Variants in DIPK1A observed in about 807,000 individuals in gnomAD.
DIPK1A encodes the protein family with sequence similarity 69 member A.
A neutral mutation model predicts 40.8 loss-of-function variants in DIPK1A; 27 were observed. The ratio of observed to expected loss-of-function variants is 0.66; its 90% confidence interval spans 0.49 to 0.91. DIPK1A has a LOEUF of 0.91. DIPK1A is among the 40% of genes least tolerant of loss of function. The pLI, the probability that DIPK1A is intolerant of heterozygous loss-of-function variation, is 0.00. For missense variants in DIPK1A, 412 were observed against 505.7 expected, an observed-to-expected ratio of 0.81 and a Z score of 1.78; for synonymous variants, 166 against 171.3, an observed-to-expected ratio of 0.97 and a Z score of 0.24.
intron 1 of DIPK1A, among the ~76,000 whole-genome samples, chr1:92,961,006 G>A (rs899232176): frequency 6.6e-6 from 1 of 152,238 alleles, no homozygotes; most frequent in African/African-American, 2.4e-5. Context: ...AAACACCAGG[G>A]AGAAGGCGGC....
intron 1 of DIPK1A, among the ~76,000 whole-genome samples, chr1:92,878,820 AAAACAAACAAAC>A (rs113474701): frequency 8.2e-5 from 12 of 145,898 alleles, no homozygotes; most frequent in South Asian, 6.7e-4. Flanking sequence ...CTCTGTCTCA[AAAACAAACAAAC>A]AAACAAACAA....
chr1:92,949,334 G>C (rs1651536774), intron 1 of DIPK1A, among the ~76,000 whole-genome samples: 1 of 151,888 alleles, frequency 6.6e-6, no homozygotes, highest in Non-Finnish European at 1.5e-5. Flanking sequence ...GAGTGCAATG[G>C]CGCAATCTCA....
At chr1:92,924,697 C>T (rs1443542699) in intron 1 of DIPK1A, among the ~76,000 whole-genome samples, 2 of 152,146 alleles carry the variant, frequency 1.3e-5, no homozygotes, top group Non-Finnish European at 2.9e-5. Flanking sequence ...CTCTAGATGT[C>T]GCAGTAGATA....
chr1:92,950,094 C>T (rs1651565435), intron 1 of DIPK1A, among the ~76,000 whole-genome samples: 1 of 152,130 alleles, frequency 6.6e-6, no homozygotes, highest in South Asian at 2.1e-4. Flanking sequence ...AAGAGGTACA[C>T]TAATACTGTG....
intron 2 of DIPK1A, among the ~76,000 whole-genome samples, chr1:92,860,236 G>C (rs1419110828): frequency 6.6e-6 from 1 of 152,108 alleles, no homozygotes; most frequent in African/African-American, 2.4e-5. Context: ...GAGAGCTTCA[G>C]ATTGCACGGA....
Position 92,843,182 on chromosome 1 carries a change from A to G in DIPK1A, c.*201T>C, listed in dbSNP as rs1687442611. On this transcript the variant is annotated 3_prime_UTR_variant, in exon 5 of 5. Coordinates refer to ENST00000370310, the MANE Select transcript of DIPK1A (RefSeq NM_001006605.5). ...ACTTCGGAGATGTAACAGGGCTTCT[A>G]AAAGGGCAGGAATGACATCTTGGGG... 7.5e-7 allele frequency: 1 copy of G among 1,333,680 alleles called. No homozygotes were observed. The highest frequency in any genetic ancestry group is 1.5e-5 in the African/African-American group (1 of 66,244). 82.6% of individuals were successfully genotyped at this position (1,333,680 alleles called of 1,614,324 possible). A position where few individuals can be genotyped will look rare whatever the true frequency, so the allele number is the denominator to read the frequency against.
rs554791773 is a variant in DIPK1A, at chr1:92,886,332, A to G, written c.55-9902T>C. Among the ~76,000 whole-genome samples the G allele has an allele frequency of 2.0e-5, 3 of 152,160 alleles. No individual in the cohort carries two copies. The South Asian group carries it at 6.2e-4, about 32-fold the overall frequency. On this transcript the variant is annotated intron_variant, in intron 1 of 4. Coordinates refer to ENST00000370310, the MANE Select transcript of DIPK1A (RefSeq NM_001006605.5). The stretch of plus-strand genomic sequence containing the variant: ...GGCGACAGAGCATGACCCTGTCTAA[A>G]AAAAAAATTGATATTAAAAAAATTT...
rs142022979 is a variant in DIPK1A, at chr1:92,862,380, G to A, written c.190-11425C>T. Among the ~76,000 whole-genome samples the A allele has an allele frequency of 5.3e-3, 807 of 152,308 alleles. 5 individuals carry two copies. The highest frequency in any genetic ancestry group is 8.7e-3 in the Non-Finnish European group (595 of 68,026). ...AGGTGCCATCAACCACCTAGGCACC[G>A]AGGGAGGAAGCAGTGAGTTGTCCTA... On this transcript the variant is annotated intron_variant, in intron 2 of 4. Transcript: ENST00000370310.
In DIPK1A at chr1:92,860,646, A is replaced by AAAAAAAAAAAAGCCAGGGG. The variant is rs148916481; in HGVS notation, c.190-9692_190-9691insCCCCTGGCTTTTTTTTTTT. Among the ~76,000 whole-genome samples, 33 of 105,194 alleles carry AAAAAAAAAAAAGCCAGGGG rather than the reference A, an allele frequency of 3.1e-4. 1 individual carries two copies. The highest frequency in any genetic ancestry group is 9.7e-4 in the South Asian group (3 of 3,108). 69.0% of individuals were successfully genotyped at this position (105,194 alleles called of 152,430 possible). ...TTCTACTAAAAAAAAAAAAAAAAAA[A>AAAAAAAAAAAAGCCAGGGG]TGGTGGTGTGCACCTTAGTCCCAGC... is the stretch of plus-strand genomic sequence containing the variant. On this transcript the variant is annotated intron_variant, in intron 2 of 4. Transcript: ENST00000370310.
chr1:92,906,299 T>C lies in DIPK1A; in HGVS notation c.55-29869A>G, dbSNP rs139432164. On this transcript the variant is annotated intron_variant, in intron 1 of 4. Coordinates refer to ENST00000370310, the MANE Select transcript of DIPK1A (RefSeq NM_001006605.5). The stretch of plus-strand genomic sequence containing the variant: ...GCCATATCTGCAAAGAAATATTAAA[T>C]CAGAGACTAAGTCTTAGACAGATGA... 3.9e-3 allele frequency among the ~76,000 whole-genome samples: 597 copies of C among 152,266 alleles called. 4 individuals are homozygous for C. Among genetic ancestry groups the C allele is most frequent in the African/African-American group, 0.014 (576 of 41,546 alleles).
intron 1 of DIPK1A, among the ~76,000 whole-genome samples, chr1:92,893,285 C>A: frequency 6.6e-6 from 1 of 151,498 alleles, no homozygotes; most frequent in East Asian, 1.9e-4. Context: ...GGAAGCCCAT[C>A]AGACTAACAG....
chr1:92,920,007 T>C (rs556872257), intron 1 of DIPK1A, among the ~76,000 whole-genome samples: 2 of 152,208 alleles, frequency 1.3e-5, no homozygotes, highest in African/African-American at 4.8e-5. Flanking sequence ...TGAGACCCTA[T>C]AGAACCTACT....
intron 1 of DIPK1A, among the ~76,000 whole-genome samples, chr1:92,940,755 T>A (rs1399398116): frequency 6.6e-6 from 1 of 152,246 alleles, no homozygotes; most frequent in Non-Finnish European, 1.5e-5. Flanking sequence ...TACATCAATG[T>A]ATGAATCATC....
intron 1 of DIPK1A, among the ~76,000 whole-genome samples, chr1:92,929,428 G>A (rs1650657380): frequency 1.3e-5 from 2 of 152,146 alleles, no homozygotes; most frequent in Admixed American, 6.5e-5. Flanking sequence ...TGAAGGAATT[G>A]GGTGGATGTT....
chr1:92,844,419 CTGTT>C (rs1263575265), intron 4 of DIPK1A, among the ~76,000 whole-genome samples: 3 of 152,136 alleles, frequency 2.0e-5, no homozygotes, highest in East Asian at 1.9e-4. Context: ...AAATACTTGT[CTGTT>C]TGTTAGGAAA....
At chr1:92,862,497 A>G (rs1571067797) in intron 2 of DIPK1A, among the ~76,000 whole-genome samples, 1 of 152,088 alleles carries the variant, frequency 6.6e-6, no homozygotes, top group South Asian at 2.1e-4. Flanking sequence ...AGGCTGTTTC[A>G]TCCCTTCCAT....
At chr1:92,891,860 A>ATCCTACGCATGGCTTGGAGGG (rs1553128843) in intron 1 of DIPK1A, among the ~76,000 whole-genome samples, 2 of 152,316 alleles carry the variant, frequency 1.3e-5, no homozygotes, top group Admixed American at 1.3e-4. Flanking sequence ...AGGAGATTAT[A>ATCCTACGCATGGCTTGGAGGG]TCCTACGCAT....
chr1:92,936,447 G>A (rs898072374), intron 1 of DIPK1A, among the ~76,000 whole-genome samples: 1 of 151,932 alleles, frequency 6.6e-6, no homozygotes, highest in South Asian at 2.1e-4. Context: ...GACCAACATG[G>A]AGAAACCCCC....
At chr1:92,946,425 C>T (rs573749655) in intron 1 of DIPK1A, among the ~76,000 whole-genome samples, 1 of 152,264 alleles carries the variant, frequency 6.6e-6, no homozygotes, top group Non-Finnish European at 1.5e-5. Flanking sequence ...AAAAGGAGCA[C>T]ATGTTCTCAT....
Sources: allele counts gnomAD v4.1 joint callset (sites outside exome capture counted in the v4.1 genomes callset), GRCh38; gene constraint gnomAD v4.1.1; transcripts MANE v1.5; gene names NCBI Gene and HGNC (gene_info 2026-07-23, HGNC 2026-07-21).